CTNNA2: variants seen among roughly 807,000 people sequenced by gnomAD.
CTNNA2 encodes catenin alpha 2.
A neutral mutation model predicts 101.0 loss-of-function variants in CTNNA2; 42 were observed. The ratio of observed to expected loss-of-function variants is 0.42; its 90% CI spans 0.32 to 0.54. The LOEUF is 0.54. Ranked by LOEUF, CTNNA2 falls within the 20% of genes least tolerant of loss-of-function variation. The pLI is 0.14. For synonymous variants in CTNNA2, 450 were observed against 456.4 expected (o/e 0.99, Z 0.18); for missense variants, 871 against 1,223.1 (o/e 0.71, Z 4.29).
At chr2:80,199,182 GAAAAAAAA>G (rs70940076) in intron 7 of CTNNA2, among the ~76,000 whole-genome samples, 3 of 40,058 alleles carry the variant, frequency 7.5e-5, no homozygotes, top group African/African-American at 2.6e-4. Flanking sequence ...CTCCATCTCA[GAAAAAAAA>G]AAAAAAAAAA....
At chr2:80,026,543 A>G (rs1197484192) in intron 7 of CTNNA2, among the ~76,000 whole-genome samples, 1 of 152,218 alleles carries the variant, frequency 6.6e-6, no homozygotes, top group Admixed American at 6.5e-5. Flanking sequence ...GAGTTAAGAG[A>G]TACTTTCTAC....
At chr2:80,056,882 A>G (rs1423592450) in intron 7 of CTNNA2, among the ~76,000 whole-genome samples, 1 of 152,188 alleles carries the variant, frequency 6.6e-6, no homozygotes, top group Non-Finnish European at 1.5e-5. Context: ...AATCTTCATC[A>G]TAAACTCAGT....
chr2:79,549,412 A>G (rs577566461), intron 1 of CTNNA2, among the ~76,000 whole-genome samples: 8 of 152,328 alleles, frequency 5.3e-5, no homozygotes, highest in African/African-American at 1.7e-4. Flanking sequence ...TTTACATAGT[A>G]TACAAATGTG....
At chr2:80,000,503 A>G (rs1224370626) in intron 7 of CTNNA2, among the ~76,000 whole-genome samples, 6 of 151,022 alleles carry the variant, frequency 4.0e-5, no homozygotes, top group African/African-American at 1.5e-4. Context: ...ATTTTAAAAA[A>G]CTCTTTCTCT....
chr2:79,529,587 C>T (rs541942179), intron 1 of CTNNA2, among the ~76,000 whole-genome samples: 1 of 151,850 alleles, frequency 6.6e-6, no homozygotes. Flanking sequence ...TCAGGAATAC[C>T]ACTGCTTAAG....
At chr2:79,253,608 G>C (rs961040196) in intron 2 of CTNNA2, among the ~76,000 whole-genome samples, 1 of 151,776 alleles carries the variant, frequency 6.6e-6, no homozygotes, top group African/African-American at 2.4e-5. Flanking sequence ...ATGGACATTG[G>C]TTGCCCAAGG....
At chr2:79,397,079 T>C (rs1028521168) in intron 4 of CTNNA2, among the ~76,000 whole-genome samples, 1 of 152,138 alleles carries the variant, frequency 6.6e-6, no homozygotes, top group African/African-American at 2.4e-5. Flanking sequence ...GTCCAGGGAC[T>C]ACATATTTTT....
intron 2 of CTNNA2, among the ~76,000 whole-genome samples, chr2:79,297,291 A>T (rs911208760): frequency 3.9e-5 from 6 of 152,144 alleles, no homozygotes; most frequent in Admixed American, 6.5e-5. Flanking sequence ...ACATCCACTA[A>T]CACTCTAGAT....
chr2:80,285,976 C>A (rs1374161081), intron 7 of CTNNA2, among the ~76,000 whole-genome samples: 2 of 152,082 alleles, frequency 1.3e-5, no homozygotes, highest in Non-Finnish European at 2.9e-5. Context: ...AATTGACTGT[C>A]AATTTCCATA....
At chr2:79,698,886 A>G (rs1684812621) in intron 2 of CTNNA2, among the ~76,000 whole-genome samples, 1 of 152,112 alleles carries the variant, frequency 6.6e-6, no homozygotes, top group Non-Finnish European at 1.5e-5. Flanking sequence ...TATCTCAGCA[A>G]TACAGCAGTA....
At chr2:80,631,395 G>T (rs1672283960) in intron 18 of CTNNA2, among the ~76,000 whole-genome samples, 1 of 142,054 alleles carries the variant, frequency 7.0e-6, no homozygotes, top group South Asian at 2.2e-4. Flanking sequence ...ACACTATTAT[G>T]CATTTCCAGT....
intron 4 of CTNNA2, among the ~76,000 whole-genome samples, chr2:79,433,489 C>A (rs1274029721): frequency 6.6e-6 from 1 of 151,922 alleles, no homozygotes; most frequent in Non-Finnish European, 1.5e-5. Context: ...ATATAAACAC[C>A]AGGCCTAGGG....
chr2:80,546,140 G>T, intron 11 of CTNNA2, 77 bp downstream of exon 11: 1 of 1,541,296 alleles, frequency 6.5e-7, no homozygotes, highest in South Asian at 1.2e-5. Flanking sequence ...TCTCGCAAAT[G>T]TCATGGATCT....
intron 7 of CTNNA2, among the ~76,000 whole-genome samples, chr2:80,035,739 C>A (rs2104229739): frequency 6.6e-6 from 1 of 152,250 alleles, no homozygotes; most frequent in South Asian, 2.1e-4. Flanking sequence ...TGCACAAGTT[C>A]TCAGAGAAAC....
At chr2:80,310,906 G>T (rs2149226783) in intron 7 of CTNNA2, among the ~76,000 whole-genome samples, 1 of 149,752 alleles carries the variant, frequency 6.7e-6, no homozygotes, top group Non-Finnish European at 1.5e-5. Context: ...CCGGGAGGCG[G>T]ATGTTGCAGT....
At chr2:79,564,074 C>T (rs147720197) in intron 1 of CTNNA2, among the ~76,000 whole-genome samples, 211 of 152,186 alleles carry the variant, frequency 1.4e-3, no homozygotes, top group African/African-American at 4.8e-3. Context: ...CTGTGCCACA[C>T]GTGGGTTTGC....
intron 9 of CTNNA2, among the ~76,000 whole-genome samples, chr2:80,455,830 G>A (rs1683930533): frequency 6.6e-6 from 1 of 152,086 alleles, no homozygotes; most frequent in African/African-American, 2.4e-5. Context: ...GTGTCTGGAT[G>A]CATATTATGA....
chr2:79,280,898 C>T (rs943729728), intron 2 of CTNNA2, among the ~76,000 whole-genome samples: 10 of 151,908 alleles, frequency 6.6e-5, no homozygotes, highest in African/African-American at 1.9e-4. Flanking sequence ...ATGACACACC[C>T]GTATCATACT....
intron 14 of CTNNA2, among the ~76,000 whole-genome samples, chr2:80,586,727 ATATCT>A (rs1306485597): frequency 2.0e-5 from 3 of 152,226 alleles, no homozygotes; most frequent in Admixed American, 1.3e-4. Flanking sequence ...AGTATTTTAG[ATATCT>A]TAATAGTATT....
Sources: gnomAD v4.1 joint callset for allele counts (sites outside exome capture counted in the v4.1 genomes callset) on GRCh38, gnomAD v4.1.1 for gene constraint, MANE v1.5 for transcripts, NCBI Gene and HGNC (gene_info 2026-07-23, HGNC 2026-07-21) for gene names.